Variants in TASP1 observed in about 807,000 individuals in gnomAD.
TASP1 encodes the protein taspase 1.
A neutral mutation model predicts 56.6 loss-of-function variants in TASP1; 16 were observed. That is an observed-to-expected ratio of 0.28 (90% CI 0.19 to 0.43). The LOEUF (loss-of-function observed/expected upper bound fraction) is 0.43, where lower values mean the gene tolerates loss of function less well. Among genes scored for constraint, TASP1 ranks in the 20% least tolerant of loss-of-function variants. The pLI is 1.00. For missense variants in TASP1, 393 were observed against 511.6 expected, an observed-to-expected ratio of 0.77 and a Z score of 2.24; for synonymous variants, 179 against 184.2, an observed-to-expected ratio of 0.97 and a Z score of 0.23.
At chr20:13,312,489 A>C in the TASP1 span, among the ~76,000 whole-genome samples, 5 of 152,186 alleles carry the variant, frequency 3.3e-5, no homozygotes, top group African/African-American at 9.7e-5. Flanking sequence ...CCTCATGCAC[A>C]GTCTGAGATA....
intron 4 of TASP1, among the ~76,000 whole-genome samples, chr20:13,615,790 A>G (rs1242555169): frequency 6.6e-6 from 1 of 152,082 alleles, no homozygotes; most frequent in African/African-American, 2.4e-5. Flanking sequence ...GGTGTGAGCA[A>G]CTGTGCCAGG....
At chr20:13,634,818 C>T (rs944998679) in intron 1 of TASP1, among the ~76,000 whole-genome samples, 2 of 150,652 alleles carry the variant, frequency 1.3e-5, no homozygotes, top group African/African-American at 4.9e-5. Context: ...CACCTGAGGT[C>T]GGGAGTTCAA....
At chr20:13,423,176 A>G (rs1386718956) in intron 12 of TASP1, among the ~76,000 whole-genome samples, 1 of 152,208 alleles carries the variant, frequency 6.6e-6, no homozygotes, top group African/African-American at 2.4e-5. Flanking sequence ...ACTATGTAAC[A>G]ATTAAAAACA....
chr20:13,620,297 CACAT>C (rs1555806766), intron 4 of TASP1, among the ~76,000 whole-genome samples: 6 of 151,828 alleles, frequency 4.0e-5, no homozygotes, highest in African/African-American at 9.7e-5. Flanking sequence ...CACACACACA[CACAT>C]ACATATACAC....
the TASP1 span, among the ~76,000 whole-genome samples, chr20:13,228,060 T>C: frequency 6.9e-6 from 1 of 145,524 alleles, no homozygotes. Flanking sequence ...GCAACCTCCC[T>C]CTCCCGGGTT....
the TASP1 span, among the ~76,000 whole-genome samples, chr20:13,315,117 G>C: frequency 2.7e-5 from 4 of 148,768 alleles, no homozygotes; most frequent in African/African-American, 9.8e-5. Context: ...GAAAAAGAAT[G>C]GAAGACAAAA....
chr20:13,633,766 G>A (rs2049185338), intron 1 of TASP1, among the ~76,000 whole-genome samples: 1 of 151,668 alleles, frequency 6.6e-6, no homozygotes, highest in Non-Finnish European at 1.5e-5. Flanking sequence ...TAACCTTTGA[G>A]GTAACACTCA....
At chr20:13,126,750 A>G in the TASP1 span, 12 of 1,611,438 alleles carry the variant, frequency 7.4e-6, no homozygotes, top group Non-Finnish European at 9.3e-6. Context: ...CAGCTCCTGG[A>G]CCTCTCTGTC....
At chr20:13,193,432 A>G in the TASP1 span, among the ~76,000 whole-genome samples, 3 of 152,196 alleles carry the variant, frequency 2.0e-5, no homozygotes, top group African/African-American at 7.2e-5. Flanking sequence ...TTTTACAGAA[A>G]AAAAAGGACT....
the TASP1 span, among the ~76,000 whole-genome samples, chr20:13,139,880 T>C: frequency 6.6e-6 from 1 of 152,196 alleles, no homozygotes; most frequent in African/African-American, 2.4e-5. Context: ...AAGGACTGAA[T>C]ATGGATCTCT....
chr20:13,460,995 T>C (rs1214531058), intron 11 of TASP1, among the ~76,000 whole-genome samples: 3 of 152,170 alleles, frequency 2.0e-5, no homozygotes, highest in Non-Finnish European at 4.4e-5. Flanking sequence ...AGGCCTTGCA[T>C]GGCCCTTACT....
chr20:13,225,882 A>C, the TASP1 span, among the ~76,000 whole-genome samples: 1 of 152,200 alleles, frequency 6.6e-6, no homozygotes, highest in African/African-American at 2.4e-5. Flanking sequence ...ATAGATATGG[A>C]TATAGATATA....
chr20:13,549,097 G>A (rs112410763), intron 8 of TASP1, among the ~76,000 whole-genome samples: 12 of 152,240 alleles, frequency 7.9e-5, no homozygotes, highest in African/African-American at 2.9e-4. Context: ...TGACTTAACT[G>A]CTGAGGAAAC....
the TASP1 span, among the ~76,000 whole-genome samples, chr20:13,214,471 G>A: frequency 6.6e-6 from 1 of 151,072 alleles, no homozygotes; most frequent in Non-Finnish European, 1.5e-5. Flanking sequence ...CAGCAGGCTA[G>A]TCCTGGATTA....
chr20:13,299,065 C>G, the TASP1 span: 5 of 1,613,714 alleles, frequency 3.1e-6, no homozygotes, highest in Non-Finnish European at 4.2e-6. The surrounding 1 kb of genome is among the most constrained non-coding windows in gnomAD (Gnocchi z 5.8). Context: ...GCCTACAGCA[C>G]GGCCGACATC....
chr20:13,163,793 T>C, the TASP1 span, among the ~76,000 whole-genome samples: 3 of 152,314 alleles, frequency 2.0e-5, no homozygotes, highest in Non-Finnish European at 2.9e-5. Context: ...GACCCTAATA[T>C]TATCTTCCTC....
In TASP1 at chr20:13,637,505, T is replaced by C. The variant is rs752019197; in HGVS notation, c.-75+1389A>G. ...AACAACCTAAATGTCCATCGACCGA[T>C]GATGGTTAAGCAAAATGTGGCATAT... On this transcript the variant is annotated intron_variant, in intron 1 of 13. Coordinates refer to ENST00000337743, the MANE Select transcript of TASP1 (RefSeq NM_017714.3). Among the ~76,000 whole-genome samples the C allele has an allele frequency of 4.3e-4, 66 of 152,212 alleles. 1 individual carries two copies. The highest frequency in any genetic ancestry group is 2.6e-4 in the Admixed American group (4 of 15,278).
the TASP1 span, among the ~76,000 whole-genome samples, chr20:13,255,384 T>TTG: frequency 6.6e-6 from 1 of 152,202 alleles, no homozygotes; most frequent in Non-Finnish European, 1.5e-5. Context: ...CAGTCATTAT[T>TTG]TGTGTGTGTG....
the TASP1 span, among the ~76,000 whole-genome samples, chr20:13,132,397 G>C: frequency 2.0e-5 from 3 of 151,892 alleles, no homozygotes; most frequent in Non-Finnish European, 4.4e-5. Flanking sequence ...GGCTGATCTT[G>C]AGCTCCCGAC....
Sources: allele counts gnomAD v4.1 joint callset (sites outside exome capture counted in the v4.1 genomes callset), GRCh38; gene constraint gnomAD v4.1.1; non-coding constraint Gnocchi (gnomAD v3.1); transcripts MANE v1.5; gene names NCBI Gene and HGNC (gene_info 2026-07-23, HGNC 2026-07-21).